SERINC2: variants seen among roughly 807,000 people sequenced by gnomAD.
The protein encoded by SERINC2 is tumor differentially expressed protein 2.
SERINC2 carries 56 observed loss-of-function variants against 54.2 expected under a neutral mutation model. The observed-to-expected ratio is 1.03, with a 90% CI of 0.83 to 1.29. The LOEUF (loss-of-function observed/expected upper bound fraction) is 1.29, where lower values mean the gene tolerates loss of function less well. Among genes scored for constraint, SERINC2 ranks in the 50% most tolerant of loss-of-function variants. The pLI, the probability that SERINC2 is intolerant of heterozygous loss-of-function variation, is 0.00. For synonymous variants in SERINC2, 272 were observed against 253.1 expected, an observed-to-expected ratio of 1.07 and a Z score of -0.71; for missense variants, 614 against 607.4, an observed-to-expected ratio of 1.01 and a Z score of -0.12.
At chr1:31,414,242 G>GGCCCGA in intron 1 of SERINC2, 2 of 1,344,476 alleles carry the variant, frequency 1.5e-6, no homozygotes, top group South Asian at 3.8e-5. Context: ...CCGGCTGGGA[G>GGCCCGA]GCCCGTTCTC....
At chr1:31,425,040 G>T (rs1641001163) in intron 3 of SERINC2, among the ~76,000 whole-genome samples, 167 bp downstream of exon 3, 2 of 152,200 alleles carry the variant, frequency 1.3e-5, no homozygotes, top group Admixed American at 6.5e-5. Flanking sequence ...GAAGAGTAAG[G>T]CTCAGAAAGG....
At chr1:31,410,034 G>T, upstream of SERINC2, 1 of 934,070 alleles carries the variant, frequency 1.1e-6, no homozygotes, top group Non-Finnish European at 1.6e-6. Flanking sequence ...TGTCTGGGCT[G>T]GGTGATGGGC....
At chr1:31,425,233 T>C in intron 3 of SERINC2, 97 bp from the exon 4 acceptor site, 1 of 897,510 alleles carries the variant, frequency 1.1e-6, no homozygotes, top group Non-Finnish European at 1.9e-6. Context: ...CAGCACCTGC[T>C]GTTTGTGGGT....
chr1:31,423,075 G>A (rs1037560097), intron 1 of SERINC2, among the ~76,000 whole-genome samples: 1 of 152,256 alleles, frequency 6.6e-6, no homozygotes, highest in African/African-American at 2.4e-5. Context: ...AGCTCCTGCT[G>A]TGTGACAGAC....
chr1:31,425,849 G>T lies in SERINC2; in HGVS notation c.546G>T (p.Ala182=). The part of the protein sequence containing the change: ...LIQLVLLIDF[A]HSWNQRWLGK... ...AGCTGGTGCTGCTCATCGACTTTGC[G>T]CACTCCTGGAACCAGCGGTGGCTGG... is the stretch of plus-strand genomic sequence containing the variant. The change falls in exon 5 of 10, where the codon GCG becomes GCT. Residue 182 remains alanine, a synonymous_variant. Coordinates refer to ENST00000373709, the MANE Select transcript of SERINC2 (RefSeq NM_178865.5). The T allele has an allele frequency of 6.2e-7, 1 of 1,613,558 alleles. No individual in the cohort carries two copies. The highest frequency in any genetic ancestry group is 2.2e-5 in the East Asian group (1 of 44,878).
chr1:31,414,856 AC>A, intron 1 of SERINC2: 1 of 821,064 alleles, frequency 1.2e-6, no homozygotes, highest in Non-Finnish European at 1.5e-6. Context: ...TGCCTTGGTC[AC>A]CCCATCTGGC....
intron 8 of SERINC2, among the ~76,000 whole-genome samples, chr1:31,431,831 A>ATAGGATGGTTAGGGTGGATAGGGTGGT (rs1641230764): frequency 8.1e-6 from 1 of 122,996 alleles, no homozygotes; most frequent in Non-Finnish European, 1.7e-5. Context: ...GATAGGGTGG[A>ATAGGATGGTTAGGGTGGATAGGGTGGT]TAGGGTGGAT....
chr1:31,414,080 G>A, intron 1 of SERINC2: 2 of 1,480,860 alleles, frequency 1.4e-6, no homozygotes, highest in Non-Finnish European at 1.8e-6. Flanking sequence ...GGTCGTCACG[G>A]ACCACCGGGC....
At chr1:31,410,866 A>G (rs532245497), upstream of SERINC2, among the ~76,000 whole-genome samples, 1 of 152,192 alleles carries the variant, frequency 6.6e-6, no homozygotes, top group Admixed American at 6.5e-5. Context: ...TTCAGCTCTT[A>G]GAGCAGAAGT....
Position 31,413,739 on chromosome 1 carries a change from G to GAAA in SERINC2, c.39+436_39+437insAAA. 7.6e-7 allele frequency: 1 copy of GAAA among 1,309,240 alleles called. No homozygotes were observed. The allele number at this position is 1,309,240 out of a possible 1,614,324, so 81.1% of individuals were successfully genotyped here. On this transcript the variant is annotated intron_variant, in intron 1 of 9. Coordinates refer to ENST00000373709, the MANE Select transcript of SERINC2 (RefSeq NM_178865.5). The surrounding 1 kb of genome is among the most constrained non-coding windows in gnomAD (Gnocchi z 5.0). ...TCGCCCGGGCCCCGTCCCTCCTGGC[G>GAAA]AGTGCCCTGCCCTACCCCTCTGGCC...
In SERINC2 at chr1:31,413,328, C is replaced by A; in HGVS notation, c.39+24C>A. 8.2e-7 allele frequency: 1 copy of A among 1,225,550 alleles called. No homozygotes were observed. The highest frequency in any genetic ancestry group is 1.0e-6 in the Non-Finnish European group (1 of 974,990). 75.9% of individuals were successfully genotyped at this position (1,225,550 alleles called of 1,614,324 possible). A position where few individuals can be genotyped will look rare whatever the true frequency, so the allele number is the denominator to read the frequency against. ...GCGTGAGTCCCGACCCCGGCGCCCG[C>A]CCGCGCGCGCCGCCCGTTCCTGCTG... On this transcript the variant is annotated intron_variant, in intron 1 of 9. Transcript: ENST00000373709. The surrounding 1 kb of genome is among the most constrained non-coding windows in gnomAD (Gnocchi z 5.0).
At chr1:31,426,315 C>T (rs541989908) in intron 5 of SERINC2, among the ~76,000 whole-genome samples, 1 of 152,312 alleles carries the variant, frequency 6.6e-6, no homozygotes, top group East Asian at 1.9e-4. Flanking sequence ...CACCTGGGTG[C>T]TGTTTGGTTT....
intron 1 of SERINC2, among the ~76,000 whole-genome samples, chr1:31,423,282 AGGAGTACAT>A (rs1640945222): frequency 6.6e-6 from 1 of 152,220 alleles, no homozygotes; most frequent in African/African-American, 2.4e-5. Flanking sequence ...CTGCTTTGTG[AGGAGTACAT>A]ACCACTATGT....
chr1:31,432,231 G>GGTGGAGAGGGT (rs1641318155), intron 8 of SERINC2, among the ~76,000 whole-genome samples: 1 of 151,132 alleles, frequency 6.6e-6, no homozygotes, highest in Admixed American at 6.6e-5. Context: ...GGGTGGATAG[G>GGTGGAGAGGGT]GACCCACTGA....
Position 31,433,157 on chromosome 1 carries a change from G to T in SERINC2, c.1204G>T (p.Val402Phe), listed in dbSNP as rs377048384. The change falls in exon 9 of 10, where the codon GTC becomes TTC. Residue 402 changes from valine (V) to phenylalanine (F), a missense_variant. Val to Phe is a conservative substitution (Grantham distance 50). Transcript: ENST00000373709. ...HFCLVLASLH[V>F]MMTLTNWYKP... The stretch of plus-strand genomic sequence containing the variant: ...CTGCCTGGTGCTGGCCTCACTGCAC[G>T]TCATGATGACGCTCACCAACTGGTA... 4.3e-6 allele frequency: 7 copies of T among 1,613,624 alleles called. No individual in the cohort carries two copies. Among genetic ancestry groups the T allele is most frequent in the Non-Finnish European group, 5.9e-6 (7 of 1,179,990 alleles).
chr1:31,429,607 G>A, intron 8 of SERINC2, 69 bp downstream of exon 8: 1 of 1,496,612 alleles, frequency 6.7e-7, no homozygotes, highest in Non-Finnish European at 9.0e-7. Flanking sequence ...AGGGGAGGGT[G>A]TGGGAGCCAG....
upstream of SERINC2, chr1:31,410,050 G>T: frequency 1.0e-6 from 1 of 981,588 alleles, no homozygotes; most frequent in Non-Finnish European, 1.5e-6. Context: ...TGGGCACAGG[G>T]CAATGGACCA....
rs1553135041 is a variant in SERINC2, at chr1:31,433,042, A to AG, written c.1089_1090insG (p.Gln364AlafsTer10). On this transcript the variant is annotated frameshift_variant, in exon 9 of 10. Coordinates refer to ENST00000373709, the MANE Select transcript of SERINC2 (RefSeq NM_178865.5). LOFTEE classifies it high-confidence loss of function. ...AGTGCCCACCTATGCTAGACGCCAC[A>AG]CAGCAGCAGCAGCAGGTGGCAGCCT... is the stretch of plus-strand genomic sequence containing the variant. The AG allele has an allele frequency of 6.2e-6, 9 of 1,457,212 alleles. No homozygotes were observed. Among genetic ancestry groups the AG allele is most frequent in the East Asian group, 4.6e-5 (2 of 43,044 alleles). 90.3% of individuals were successfully genotyped at this position (1,457,212 alleles called of 1,614,324 possible).
rs782438262 is a variant in SERINC2 at position 31,433,005 on chromosome 1, T to G, written c.1052T>G (p.Met351Arg). 1 of 1,612,052 alleles carries G rather than the reference T, an allele frequency of 6.2e-7. No homozygotes were observed. The highest frequency in any genetic ancestry group is 1.1e-5 in the South Asian group (1 of 91,034). Residue 351 changes from methionine (M) to arginine (R), a missense_variant, in exon 9 of 10, where the codon ATG (methionine) becomes AGG (arginine). Coordinates refer to ENST00000373709, the MANE Select transcript of SERINC2 (RefSeq NM_178865.5). Reference protein sequence around the residue: ...SSDHRQVNSLMQTEECPPMLD... With the variant: ...SSDHRQVNSLRQTEECPPMLD... Reference sequence around the variant, plus strand: ...GACCACCGGCAGGTGAACAGCCTGATGCAGACCGAGGAGTGCCCACCTATG... The same window carrying G: ...GACCACCGGCAGGTGAACAGCCTGAGGCAGACCGAGGAGTGCCCACCTATG...
Sources: gnomAD v4.1 joint callset for allele counts (sites outside exome capture counted in the v4.1 genomes callset) on GRCh38, gnomAD v4.1.1 for gene constraint, Gnocchi (gnomAD v3.1) non-coding constraint, MANE v1.5 for transcripts, NCBI Gene and HGNC (gene_info 2026-07-23, HGNC 2026-07-21) for gene names.